SGMS1: variants seen among roughly 807,000 people sequenced by gnomAD.
SGMS1 encodes phosphatidylcholine:ceramide cholinephosphotransferase 1.
A neutral mutation model predicts 46.2 loss-of-function variants in SGMS1; 13 were observed. That is an observed-to-expected ratio of 0.28 (90% CI 0.18 to 0.45). The LOEUF is 0.45. Ranked by LOEUF, SGMS1 falls within the 20% of genes least tolerant of loss-of-function variation. The pLI is 1.00. For missense variants in SGMS1, 324 were observed against 519.9 expected (o/e 0.62, Z 3.66); for synonymous variants, 203 against 187.8 (o/e 1.08, Z -0.66).
intron 6 of SGMS1, among the ~76,000 whole-genome samples, chr10:50,360,779 CACTT>C (rs1415656947): frequency 6.6e-6 from 1 of 152,210 alleles, no homozygotes; most frequent in Non-Finnish European, 1.5e-5. Context: ...ACACAACACT[CACTT>C]CCTTTCCCTT....
intron 3 of SGMS1, among the ~76,000 whole-genome samples, chr10:50,486,260 A>C (rs1408675046): frequency 2.0e-5 from 3 of 152,218 alleles, no homozygotes; most frequent in African/African-American, 7.2e-5. Flanking sequence ...TCAAGCAAAG[A>C]TTTCATAATG....
At chr10:50,439,307 G>A (rs1698867381) in intron 5 of SGMS1, among the ~76,000 whole-genome samples, 1 of 152,156 alleles carries the variant, frequency 6.6e-6, no homozygotes, top group Non-Finnish European at 1.5e-5. Context: ...CAATGAGCCA[G>A]AGACCTCTTA....
intron 3 of SGMS1, among the ~76,000 whole-genome samples, chr10:50,499,343 C>A (rs1270429296): frequency 2.0e-5 from 3 of 152,132 alleles, no homozygotes; most frequent in Admixed American, 2.0e-4. Context: ...GTACAAAGCA[C>A]TTAGCATGCT....
intron 8 of SGMS1, among the ~76,000 whole-genome samples, chr10:50,313,488 G>GT (rs201106967): frequency 0.014 from 2,100 of 152,280 alleles, 46 homozygotes; most frequent in African/African-American, 0.047. Context: ...GGAGACTACT[G>GT]TTTTTTCACA....
intron 1 of SGMS1, among the ~76,000 whole-genome samples, chr10:50,603,326 G>T (rs533231091): frequency 2.0e-5 from 3 of 152,336 alleles, no homozygotes; most frequent in Admixed American, 2.0e-4. Flanking sequence ...CGCACCACCA[G>T]GGCTGAACCG....
At chr10:50,414,615 A>G (rs965859907) in intron 6 of SGMS1, among the ~76,000 whole-genome samples, 5 of 152,244 alleles carry the variant, frequency 3.3e-5, no homozygotes, top group Admixed American at 2.6e-4. Context: ...CCTCTAAGGT[A>G]GGTATTATTA....
At chr10:50,348,688 C>A (rs1395769388) in intron 6 of SGMS1, among the ~76,000 whole-genome samples, 1 of 152,158 alleles carries the variant, frequency 6.6e-6, no homozygotes, top group Non-Finnish European at 1.5e-5. Flanking sequence ...AATGGGAAAA[C>A]ATCCCATGCT....
At chr10:50,361,919 T>C (rs12358247) in intron 6 of SGMS1, among the ~76,000 whole-genome samples, 17,892 of 152,274 alleles carry the variant, frequency 0.12, 1,187 homozygotes, top group Middle Eastern at 0.21. Context: ...GCCTGTATCA[T>C]ATCCATACTC....
At chr10:50,487,155 CA>C (rs1321066110) in intron 3 of SGMS1, among the ~76,000 whole-genome samples, 2 of 152,074 alleles carry the variant, frequency 1.3e-5, no homozygotes, top group Non-Finnish European at 2.9e-5. Context: ...CAGGGCCTAT[CA>C]AAGGGTAGAG....
intron 5 of SGMS1, among the ~76,000 whole-genome samples, chr10:50,435,627 G>C (rs1044749784): frequency 6.6e-6 from 1 of 152,000 alleles, no homozygotes; most frequent in Admixed American, 6.6e-5. Context: ...TTTTTTTGAT[G>C]ATGAATTCCT....
intron 1 of SGMS1, among the ~76,000 whole-genome samples, chr10:50,594,131 C>T (rs1341728007): frequency 6.6e-6 from 1 of 152,130 alleles, no homozygotes; most frequent in African/African-American, 2.4e-5. Flanking sequence ...AGCTTTCAAC[C>T]AACAAAAGGG....
chr10:50,612,391 T>C (rs1402062640), intron 1 of SGMS1, among the ~76,000 whole-genome samples: 1 of 152,228 alleles, frequency 6.6e-6, no homozygotes, highest in Non-Finnish European at 1.5e-5. Context: ...TTCTATAAAG[T>C]GGTCTGGACA....
At chr10:50,311,479 A>C in intron 8 of SGMS1, 64 bp from the exon 9 acceptor site, 4 of 1,438,292 alleles carry the variant, frequency 2.8e-6, no homozygotes, top group Non-Finnish European at 3.8e-6. Flanking sequence ...AAATGTGCGA[A>C]GATTACTATT....
chr10:50,386,431 T>C (rs1848683297), intron 6 of SGMS1, among the ~76,000 whole-genome samples: 1 of 152,198 alleles, frequency 6.6e-6, no homozygotes. Context: ...GCCATAGCTT[T>C]TTCTACAGGA....
At chr10:50,427,271 C>T (rs1255042476) in intron 6 of SGMS1, among the ~76,000 whole-genome samples, 1 of 151,994 alleles carries the variant, frequency 6.6e-6, no homozygotes, top group South Asian at 2.1e-4. Context: ...TGGTGGCGGG[C>T]GCCTGTAGTC....
intron 1 of SGMS1, among the ~76,000 whole-genome samples, chr10:50,621,378 C>T (rs901981290): frequency 2.0e-5 from 3 of 152,110 alleles, no homozygotes; most frequent in African/African-American, 7.2e-5. Context: ...ATGGTCAACC[C>T]AGCAATCATG....
At chr10:50,508,694 T>C (rs1366841545) in intron 3 of SGMS1, among the ~76,000 whole-genome samples, 2 of 152,194 alleles carry the variant, frequency 1.3e-5, no homozygotes, top group African/African-American at 4.8e-5. Flanking sequence ...GCCAATTCTC[T>C]ATACCTTTTG....
chr10:50,377,945 T>C (rs755914092), intron 6 of SGMS1, among the ~76,000 whole-genome samples: 1 of 152,212 alleles, frequency 6.6e-6, no homozygotes, highest in Non-Finnish European at 1.5e-5. Context: ...TATGATTGCA[T>C]TTAGGGCTTA....
At chr10:50,570,063 G>A (rs577752821) in intron 2 of SGMS1, among the ~76,000 whole-genome samples, 4 of 152,262 alleles carry the variant, frequency 2.6e-5, no homozygotes, top group African/African-American at 9.6e-5. Flanking sequence ...TGCTAACTGT[G>A]GACCCTCCAA....
Sources: allele counts gnomAD v4.1 joint callset (sites outside exome capture counted in the v4.1 genomes callset), GRCh38; gene constraint gnomAD v4.1.1; transcripts MANE v1.5; gene names NCBI Gene and HGNC (gene_info 2026-07-23, HGNC 2026-07-21).